PPIG: variants seen among roughly 807,000 people sequenced by gnomAD.
PPIG encodes the protein peptidyl-prolyl cis-trans isomerase G.
Under a neutral mutation model 87.9 loss-of-function variants are expected in PPIG, and 26 were observed. The ratio of observed to expected loss-of-function variants is 0.30; its 90% CI spans 0.22 to 0.41. PPIG has a LOEUF of 0.41. Ranked by LOEUF, PPIG falls within the 10% of genes least tolerant of loss-of-function variation. PPIG has a pLI of 1.00. For synonymous variants in PPIG, 308 were observed against 276.5 expected (o/e 1.11, Z -1.13); for missense variants, 722 against 879.4 (o/e 0.82, Z 2.26).
At chr2:169,622,697 CT>C (rs1311083457) in intron 9 of PPIG, among the ~76,000 whole-genome samples, 1 of 152,194 alleles carries the variant, frequency 6.6e-6, no homozygotes, top group Non-Finnish European at 1.5e-5. Context: ...AGGAAAAGAT[CT>C]TTAGTTTGAA....
intron 9 of PPIG, among the ~76,000 whole-genome samples, chr2:169,622,196 G>A (rs1685776958): frequency 1.3e-5 from 2 of 152,152 alleles, no homozygotes; most frequent in Admixed American, 1.3e-4. Flanking sequence ...CGAGGTGGAC[G>A]GATCACTTGA....
intron 9 of PPIG, among the ~76,000 whole-genome samples, chr2:169,619,270 G>A (rs939905290): frequency 2.0e-5 from 3 of 152,266 alleles, no homozygotes; most frequent in African/African-American, 7.2e-5. Context: ...TGCACTTGAT[G>A]AGGAGTGTTT....
intron 7 of PPIG, 94 bp downstream of exon 7, chr2:169,608,852 G>A (rs1685407859): frequency 3.9e-6 from 3 of 764,074 alleles, no homozygotes; most frequent in African/African-American, 1.8e-5. Flanking sequence ...GGAGGCTGAG[G>A]CGGGCGGATC....
At position 169,618,470 on chromosome 2, in the gene PPIG, A is replaced by T. The variant is rs542664785; in HGVS notation, c.547+3746A>T. Among the ~76,000 whole-genome samples the T allele has an allele frequency of 2.5e-4, 38 of 152,304 alleles. 1 individual carries two copies. Among genetic ancestry groups the T allele is most frequent in the Non-Finnish European group, 4.4e-5 (3 of 68,020 alleles). ...TACCTCTGGTAGAATTTAGCTGTGA[A>T]TCCATCTGGTCCTGGGCTTTTTTTG... On this transcript the variant is annotated intron_variant, in intron 9 of 13. Transcript: ENST00000260970.
At chr2:169,614,247 T>G in intron 7 of PPIG, among the ~76,000 whole-genome samples, 1 of 152,228 alleles carries the variant, frequency 6.6e-6, no homozygotes, top group Admixed American at 6.5e-5. Context: ...GATATTGCTT[T>G]TATAATTAGA....
At chr2:169,596,034 C>T (rs1176748690) in intron 1 of PPIG, among the ~76,000 whole-genome samples, 1 of 151,708 alleles carries the variant, frequency 6.6e-6, no homozygotes, top group Non-Finnish European at 1.5e-5. Context: ...GAACTCCTGA[C>T]CTCAGATGAT....
chr2:169,628,022 A>G (rs192898349), intron 9 of PPIG, among the ~76,000 whole-genome samples: 259 of 152,134 alleles, frequency 1.7e-3, no homozygotes, highest in African/African-American at 5.9e-3. Flanking sequence ...AGTTTAGCAT[A>G]TATAAGTAGA....
At chr2:169,634,812 T>C (rs1263372725) in intron 12 of PPIG, among the ~76,000 whole-genome samples, 1 of 152,222 alleles carries the variant, frequency 6.6e-6, no homozygotes, top group Non-Finnish European at 1.5e-5. Flanking sequence ...CTCCATCATA[T>C]TGTCTGAGCT....
intron 7 of PPIG, among the ~76,000 whole-genome samples, chr2:169,613,500 A>G (rs1245309942): frequency 2.6e-5 from 4 of 152,190 alleles, no homozygotes; most frequent in Non-Finnish European, 4.4e-5. Flanking sequence ...TCAAGTAGCA[A>G]CCTTTTTACC....
intron 1 of PPIG, among the ~76,000 whole-genome samples, chr2:169,603,237 G>T (rs187110628): frequency 2.6e-5 from 4 of 151,854 alleles, no homozygotes; most frequent in Admixed American, 2.6e-4. Context: ...TTTCTTCTAC[G>T]GGTAAGTATC....
At chr2:169,607,041 T>G (rs2592813) in intron 5 of PPIG, 63 bp from the exon 6 acceptor site, 374,886 of 971,096 alleles carry the variant, frequency 0.39, 74,746 homozygotes, top group Admixed American at 0.48. Flanking sequence ...AAGAAGTATT[T>G]TGTTTAGGTA....
intron 11 of PPIG, among the ~76,000 whole-genome samples, chr2:169,632,396 A>G: frequency 6.6e-6 from 1 of 152,174 alleles, no homozygotes; most frequent in East Asian, 1.9e-4. Context: ...TACTACATAA[A>G]TCTACATTAT....
intron 1 of PPIG, among the ~76,000 whole-genome samples, chr2:169,591,483 T>C (rs1481368899): frequency 2.6e-5 from 4 of 152,304 alleles, no homozygotes; most frequent in African/African-American, 7.2e-5. Context: ...AGCTAAGTTT[T>C]AGAATTTTGT....
intron 9 of PPIG, among the ~76,000 whole-genome samples, chr2:169,622,781 G>A (rs889885706): frequency 6.6e-6 from 1 of 152,152 alleles, no homozygotes; most frequent in African/African-American, 2.4e-5. Context: ...AGTAGATTTT[G>A]TCATGCATCT....
rs754968041 is a variant in PPIG, at chr2:169,636,907, A to G, written c.1649A>G (p.Asp550Gly). 1 of 1,613,992 alleles carries G rather than the reference A, an allele frequency of 6.2e-7. No homozygotes were observed. The highest frequency in any genetic ancestry group is 1.3e-5 in the African/African-American group (1 of 75,052). Residue 550 changes from aspartate to glycine, a missense_variant, in exon 14 of 14, where the codon GAT becomes GGT. By Grantham distance (94) the Asp-to-Gly change is moderately conservative. Coordinates refer to ENST00000260970, the MANE Select transcript of PPIG (RefSeq NM_004792.3). ...RRAQSRSREC[D>G]ITKGKHSYNS... ...GCACAATCCAGGAGTAGAGAATGTGATATAACTAAAGGTAAACACAGTTAT... is the reference window on the plus strand; with the variant it reads ...GCACAATCCAGGAGTAGAGAATGTGGTATAACTAAAGGTAAACACAGTTAT...
chr2:169,608,594 G>T lies in PPIG; in HGVS notation c.290-77G>T, dbSNP rs1202592140. 3 of 809,976 alleles carry T rather than the reference G, an allele frequency of 3.7e-6. No homozygotes were observed. The African/African-American group carries it at 5.2e-5, about 14-fold the overall frequency. The allele number at this position is 809,976 out of a possible 1,614,324, so 50.2% of individuals were successfully genotyped here. On this transcript the variant is annotated intron_variant, in intron 6 of 13. Transcript: ENST00000260970. ...GTGTGTGGCACTAAATAATACATCA[G>T]ATATGAATAGAAGTGAAGATGAAAT...
At chr2:169,618,744 TTTC>T (rs1685668619) in intron 9 of PPIG, among the ~76,000 whole-genome samples, 2 of 152,164 alleles carry the variant, frequency 1.3e-5, no homozygotes, top group South Asian at 2.1e-4. Flanking sequence ...TCTTCTCTCT[TTTC>T]TTCTTTGTCT....
At chr2:169,601,208 C>T (rs1685173906) in intron 1 of PPIG, among the ~76,000 whole-genome samples, 1 of 152,150 alleles carries the variant, frequency 6.6e-6, no homozygotes, top group Non-Finnish European at 1.5e-5. Context: ...AGTTTCTCCC[C>T]ATTGTAAGAT....
At chr2:169,619,953 G>A (rs1321083016) in intron 9 of PPIG, among the ~76,000 whole-genome samples, 1 of 151,958 alleles carries the variant, frequency 6.6e-6, no homozygotes, top group Non-Finnish European at 1.5e-5. Flanking sequence ...TGAGTTGTTT[G>A]CATTCCTTAT....
Sources: allele counts gnomAD v4.1 joint callset (sites outside exome capture counted in the v4.1 genomes callset), GRCh38; gene constraint gnomAD v4.1.1; transcripts MANE v1.5; gene names NCBI Gene and HGNC (gene_info 2026-07-23, HGNC 2026-07-21).